Variants in PPA2 observed in about 807,000 individuals in gnomAD.
The protein encoded by PPA2 is inorganic pyrophosphatase 2, mitochondrial.
PPA2 carries 48 observed loss-of-function variants against 49.5 expected under a neutral mutation model. That is an observed-to-expected ratio of 0.97 (90% CI 0.77 to 1.23). The LOEUF is 1.23. Ranked by LOEUF, PPA2 falls within the 50% of genes most tolerant of loss-of-function variation. The pLI, the probability that PPA2 is intolerant of heterozygous loss-of-function variation, is 0.00. For synonymous variants in PPA2, 131 were observed against 139.9 expected, an observed-to-expected ratio of 0.94 and a Z score of 0.45; for missense variants, 429 against 410.1, an observed-to-expected ratio of 1.05 and a Z score of -0.40.
At chr4:105,434,806 C>G (rs1723972149) in intron 6 of PPA2, among the ~76,000 whole-genome samples, 1 of 152,150 alleles carries the variant, frequency 6.6e-6, no homozygotes, top group African/African-American at 2.4e-5. Context: ...ACTTCACATG[C>G]AACAGAAAGG....
intron 7 of PPA2, chr4:105,405,333 G>T (rs189218350): frequency 1.6e-3 from 1,191 of 763,958 alleles, no homozygotes; most frequent in Non-Finnish European, 1.8e-3. Context: ...TACACATATA[G>T]TTTTTCACTT....
At chr4:105,418,662 A>C (rs1254360684) in intron 7 of PPA2, among the ~76,000 whole-genome samples, 2 of 152,236 alleles carry the variant, frequency 1.3e-5, no homozygotes, top group African/African-American at 4.8e-5. Flanking sequence ...CATTTTTTAA[A>C]ACTATAAAAT....
intron 5 of PPA2, among the ~76,000 whole-genome samples, chr4:105,442,047 C>A (rs999004331): frequency 2.6e-5 from 4 of 151,302 alleles, no homozygotes; most frequent in Non-Finnish European, 5.9e-5. Context: ...CTCTGCCACC[C>A]AGGCTGAAGA....
chr4:105,370,907 CAATAA>C, intron 10 of PPA2, 34 bp from the exon 11 acceptor site: 1 of 1,439,088 alleles, frequency 6.9e-7, no homozygotes, highest in Non-Finnish European at 9.2e-7. Context: ...ATCTCTGTTA[CAATAA>C]ATATTTATAT....
chr4:105,399,808 A>G (rs997696037), intron 7 of PPA2, among the ~76,000 whole-genome samples: 11 of 152,202 alleles, frequency 7.2e-5, no homozygotes, highest in African/African-American at 2.7e-4. Flanking sequence ...TGTTTTCTGC[A>G]GTTTCAGTTA....
intron 1 of PPA2, among the ~76,000 whole-genome samples, chr4:105,463,761 G>A (rs553400346): frequency 1.7e-4 from 26 of 152,308 alleles, no homozygotes; most frequent in Admixed American, 4.6e-4. Context: ...TTGCTTCAGC[G>A]GGTGGAAGCC....
At chr4:105,392,085 T>C (rs991050715) in intron 9 of PPA2, among the ~76,000 whole-genome samples, 2 of 152,132 alleles carry the variant, frequency 1.3e-5, no homozygotes, top group African/African-American at 4.8e-5. Context: ...TAATAAGGTA[T>C]ATCAACTGGT....
intron 9 of PPA2, among the ~76,000 whole-genome samples, chr4:105,395,457 T>C (rs1734101659): frequency 6.6e-6 from 1 of 152,158 alleles, no homozygotes; most frequent in Admixed American, 6.5e-5. Context: ...TCGTCAATTG[T>C]ACTTGTTACT....
rs554429188 is a variant in PPA2 at position 105,414,177 on chromosome 4, T to C, written c.655+10019A>G. Among the ~76,000 whole-genome samples, 4 of 152,266 alleles carry C rather than the reference T, an allele frequency of 2.6e-5. No individual in the cohort carries two copies. The South Asian group carries it at 8.3e-4, about 32-fold the overall frequency. On this transcript the variant is annotated intron_variant, in intron 7 of 11. Transcript: ENST00000341695. The stretch of plus-strand genomic sequence containing the variant: ...TTTATGTATCAGATTGGCAAAAAAA[T>C]AATAAACTATTATTTAGGAAGCATT...
chr4:105,390,868 A>G (rs1733886698), intron 9 of PPA2, among the ~76,000 whole-genome samples: 1 of 152,218 alleles, frequency 6.6e-6, no homozygotes, highest in Admixed American at 6.5e-5. Flanking sequence ...TCATTCTACT[A>G]TTAAGACTCA....
intron 1 of PPA2, among the ~76,000 whole-genome samples, chr4:105,468,273 G>A (rs1233424256): frequency 6.6e-6 from 1 of 152,150 alleles, no homozygotes; most frequent in Non-Finnish European, 1.5e-5. Flanking sequence ...AGTATAGATA[G>A]AGAAGTGGGC....
intron 7 of PPA2, among the ~76,000 whole-genome samples, chr4:105,408,007 G>C (rs1429360688): frequency 1.3e-5 from 2 of 152,140 alleles, no homozygotes; most frequent in Admixed American, 1.3e-4. Flanking sequence ...ATACCTCAAA[G>C]TGGGCTAAAA....
intron 7 of PPA2, among the ~76,000 whole-genome samples, chr4:105,413,762 T>C (rs919223859): frequency 1.3e-5 from 2 of 152,174 alleles, no homozygotes; most frequent in African/African-American, 4.8e-5. Context: ...CAAGACTCGA[T>C]TGTAAAGATA....
intron 5 of PPA2, among the ~76,000 whole-genome samples, chr4:105,440,926 T>C (rs1724331496): frequency 6.6e-6 from 1 of 152,212 alleles, no homozygotes; most frequent in African/African-American, 2.4e-5. Flanking sequence ...CCAGCAAAAA[T>C]ACCAGACTGG....
chr4:105,401,772 C>T (rs1164512900), intron 7 of PPA2, among the ~76,000 whole-genome samples: 4 of 152,114 alleles, frequency 2.6e-5, no homozygotes, highest in South Asian at 4.1e-4. Context: ...CTCTTTTAAT[C>T]GAACTCTACT....
chr4:105,469,371 TCACA>T (rs1197732120), intron 1 of PPA2, among the ~76,000 whole-genome samples: 1 of 152,218 alleles, frequency 6.6e-6, no homozygotes, highest in African/African-American at 2.4e-5. Flanking sequence ...ATTCTTTCTC[TCACA>T]AGAGCAAGTT....
At chr4:105,448,272 C>T (rs754294779) in intron 4 of PPA2, among the ~76,000 whole-genome samples, 5 of 152,130 alleles carry the variant, frequency 3.3e-5, no homozygotes, top group Non-Finnish European at 7.4e-5. Flanking sequence ...CCTTTTCCTA[C>T]TAAAGTGTTA....
chr4:105,446,242 T>G, intron 5 of PPA2, 141 bp downstream of exon 5: 1 of 846,074 alleles, frequency 1.2e-6, no homozygotes, highest in South Asian at 2.4e-5. Flanking sequence ...TAAAACTCCA[T>G]CCACGTTAAT....
chr4:105,446,280 A>G, intron 5 of PPA2, 103 bp downstream of exon 5: 3 of 1,234,284 alleles, frequency 2.4e-6, no homozygotes, highest in Non-Finnish European at 3.3e-6. Flanking sequence ...ACCTCTCCAA[A>G]TGACATGTCC....
Sources: allele counts gnomAD v4.1 joint callset (sites outside exome capture counted in the v4.1 genomes callset), GRCh38; gene constraint gnomAD v4.1.1; transcripts MANE v1.5; gene names NCBI Gene and HGNC (gene_info 2026-07-23, HGNC 2026-07-21).